Variants in TIAM1 observed in about 807,000 individuals in gnomAD.
The protein encoded by TIAM1 is rho guanine nucleotide exchange factor TIAM1.
TIAM1 carries 65 observed loss-of-function variants against 163.5 expected under a neutral mutation model. The ratio of observed to expected loss-of-function variants is 0.40; its 90% CI spans 0.33 to 0.49. The LOEUF is 0.49. Ranked by LOEUF, TIAM1 falls within the 20% of genes least tolerant of loss-of-function variation. The pLI is 0.77. For synonymous variants in TIAM1, 833 were observed against 810.1 expected (o/e 1.03, Z -0.48); for missense variants, 1,789 against 2,044.7 (o/e 0.87, Z 2.41).
In TIAM1 at chr21:31,266,726, C is replaced by T; in HGVS notation, c.247G>A (p.Glu83Lys). 6.2e-7 allele frequency: 1 copy of T among 1,614,204 alleles called. No homozygotes were observed. The highest frequency in any genetic ancestry group is 1.1e-5 in the South Asian group (1 of 91,082). Residue 83 changes from glutamate (E) to lysine (K), a missense_variant, in exon 4 of 28, where the codon GAA (glutamate) becomes AAA (lysine). Glu to Lys is a moderately conservative substitution (Grantham distance 56, BLOSUM62 1). Transcript: ENST00000541036. ...ACCCAGATGGGGCTCCCGAAGTCTT[C>T]TAGGGTACCATCTTGGGAGAAGGGC... is the stretch of plus-strand genomic sequence containing the variant. ...LEPFSQDGTLEDFGSPIWVDR... is the reference protein window; with the variant it reads ...LEPFSQDGTLKDFGSPIWVDR...
chr21:31,381,444 G>T (rs1266920837), intron 2 of TIAM1, among the ~76,000 whole-genome samples: 2 of 152,118 alleles, frequency 1.3e-5, no homozygotes, highest in East Asian at 1.9e-4. Flanking sequence ...GTGGCAGGTG[G>T]ATCACTTGAG....
intron 2 of TIAM1, among the ~76,000 whole-genome samples, chr21:31,296,491 C>T (rs1338927379): frequency 2.0e-5 from 3 of 152,154 alleles, no homozygotes; most frequent in Non-Finnish European, 4.4e-5. Context: ...ATTTTTAAAA[C>T]TCCTGCTTAT....
chr21:31,456,434 C>T (rs1260940192), intron 2 of TIAM1, among the ~76,000 whole-genome samples: 8 of 152,196 alleles, frequency 5.3e-5, no homozygotes, highest in Non-Finnish European at 1.2e-4. Flanking sequence ...TTCCCATATC[C>T]GCCTGTCACT....
chr21:31,454,265 G>C (rs941047602), intron 2 of TIAM1, among the ~76,000 whole-genome samples: 1 of 152,092 alleles, frequency 6.6e-6, no homozygotes, highest in African/African-American at 2.4e-5. Context: ...ACATGCTCAG[G>C]AAAATATTTA....
intron 2 of TIAM1, among the ~76,000 whole-genome samples, chr21:31,396,452 T>C (rs987957870): frequency 1.3e-5 from 2 of 151,990 alleles, no homozygotes; most frequent in Non-Finnish European, 2.9e-5. Flanking sequence ...AATAGATACC[T>C]ATCACCCCCT....
At chr21:31,365,451 T>C (rs142937190) in intron 2 of TIAM1, among the ~76,000 whole-genome samples, 4,130 of 147,144 alleles carry the variant, frequency 0.028, 85 homozygotes, top group African/African-American at 0.063. Flanking sequence ...TGCAGGGGCA[T>C]GATCTCGGCT....
In TIAM1 at chr21:31,521,880, C is replaced by A. The variant is rs545429875; in HGVS notation, c.-422+37047G>T. 1.2e-3 allele frequency among the ~76,000 whole-genome samples: 176 copies of A among 151,814 alleles called. 2 individuals are homozygous for A. Among genetic ancestry groups the A allele is most frequent in the African/African-American group, 4.0e-3 (165 of 41,448 alleles). Reference sequence around the variant, plus strand: ...GGTGCAATCTTGGCTCTTAATAATTCTTTTTTTTGGAGACGGAGTCTCTCT... The same window carrying A: ...GGTGCAATCTTGGCTCTTAATAATTATTTTTTTTGGAGACGGAGTCTCTCT... On this transcript the variant is annotated intron_variant, in intron 1 of 28. Transcript: ENST00000286827.
At chr21:31,160,757 C>T in intron 16 of TIAM1, 1 of 365,338 alleles carries the variant, frequency 2.7e-6, no homozygotes, top group Non-Finnish European at 4.9e-6. Flanking sequence ...TCGCTTCCCA[C>T]CAGTGCCCTC....
chr21:31,226,651 G>C (rs2087992898), intron 6 of TIAM1, among the ~76,000 whole-genome samples: 1 of 152,126 alleles, frequency 6.6e-6, no homozygotes, highest in Non-Finnish European at 1.5e-5. Flanking sequence ...AGTCAGAATA[G>C]TTTTCAAGAG....
chr21:31,388,846 T>C (rs973980602), intron 2 of TIAM1, among the ~76,000 whole-genome samples: 5 of 152,240 alleles, frequency 3.3e-5, no homozygotes, highest in African/African-American at 4.8e-5. Context: ...AAGCATTACC[T>C]ATCACTATAA....
chr21:31,289,770 G>A (rs888754480), intron 2 of TIAM1, among the ~76,000 whole-genome samples: 5 of 152,142 alleles, frequency 3.3e-5, no homozygotes, highest in South Asian at 2.1e-4. Context: ...TCATGGGAAC[G>A]TTTCTCAAAC....
At chr21:31,248,397 T>G (rs1394519946) in intron 5 of TIAM1, among the ~76,000 whole-genome samples, 2 of 152,208 alleles carry the variant, frequency 1.3e-5, no homozygotes, top group Non-Finnish European at 2.9e-5. Flanking sequence ...CTTTTACTCA[T>G]GATCAACTCG....
chr21:31,317,315 G>A (rs955085693), intron 2 of TIAM1, among the ~76,000 whole-genome samples: 13 of 151,998 alleles, frequency 8.6e-5, no homozygotes, highest in African/African-American at 2.7e-4. Context: ...TTAGCCGGGC[G>A]TGGTGGCACA....
At chr21:31,370,529 T>C (rs1182643486) in intron 2 of TIAM1, among the ~76,000 whole-genome samples, 1 of 152,168 alleles carries the variant, frequency 6.6e-6, no homozygotes, top group East Asian at 1.9e-4. Flanking sequence ...CAAAGTAGAT[T>C]GGCCACAGGT....
At chr21:31,277,322 T>C (rs1370714384) in intron 2 of TIAM1, among the ~76,000 whole-genome samples, 1 of 152,200 alleles carries the variant, frequency 6.6e-6, no homozygotes. Flanking sequence ...GCCATGGCAA[T>C]GTCAGGAAAT....
intron 1 of TIAM1, among the ~76,000 whole-genome samples, chr21:31,510,470 A>G (rs2047176513): frequency 6.6e-6 from 1 of 152,210 alleles, no homozygotes; most frequent in Non-Finnish European, 1.5e-5. Flanking sequence ...GGGATTCAAC[A>G]TATGAAGTTT....
intron 6 of TIAM1, among the ~76,000 whole-genome samples, chr21:31,236,427 A>T (rs2088766538): frequency 6.6e-6 from 1 of 152,178 alleles, no homozygotes. Context: ...GCTACAGACT[A>T]AGTCAACACG....
intron 2 of TIAM1, among the ~76,000 whole-genome samples, chr21:31,398,928 C>T (rs2077118694): frequency 6.6e-6 from 1 of 152,210 alleles, no homozygotes; most frequent in Non-Finnish European, 1.5e-5. Flanking sequence ...ATAATCCCAG[C>T]ACTTTGGGAG....
At chr21:31,138,211 T>C (rs2082701029) in intron 22 of TIAM1, among the ~76,000 whole-genome samples, 1 of 152,160 alleles carries the variant, frequency 6.6e-6, no homozygotes, top group Admixed American at 6.5e-5. Flanking sequence ...TTCCTCCTAG[T>C]TAAGCAAAAG....
Sources: gnomAD v4.1 joint callset for allele counts (sites outside exome capture counted in the v4.1 genomes callset) on GRCh38, gnomAD v4.1.1 for gene constraint, MANE v1.5 for transcripts, NCBI Gene and HGNC (gene_info 2026-07-23, HGNC 2026-07-21) for gene names.